Variants in FNTB observed in about 807,000 individuals in gnomAD.
The protein encoded by FNTB is farnesyltransferase, CAAX box, subunit beta, also known as protein farnesyltransferase subunit beta.
In FNTB, 27 loss-of-function variants were observed where a neutral mutation model predicts 59.4. The ratio of observed to expected loss-of-function variants is 0.45; its 90% CI spans 0.34 to 0.63. FNTB has a LOEUF of 0.63. Among genes scored for constraint, FNTB ranks in the 20% least tolerant of loss-of-function variants. The pLI is 0.02. For missense variants in FNTB, 449 were observed against 559.6 expected (o/e 0.80, Z 1.99); for synonymous variants, 230 against 220.7 (o/e 1.04, Z -0.37).
At position 65,001,790 on chromosome 14, in the gene FNTB, A is replaced by C. The variant is rs1888608994; in HGVS notation, c.145-2459A>C. On this transcript the variant is annotated intron_variant, in intron 1 of 11. Coordinates refer to ENST00000246166, the MANE Select transcript of FNTB (RefSeq NM_002028.4). The surrounding 1 kb of genome is among the most constrained non-coding windows in gnomAD (Gnocchi z 5.5). ...TTCATTTAGGCTGGTGCTTTATTTT[A>C]GCTGCATGAGTGTCAGGAATGGAAA... Among the ~76,000 whole-genome samples, 1 of 152,196 alleles carries C rather than the reference A, an allele frequency of 6.6e-6. No individual in the cohort carries two copies. Among genetic ancestry groups the C allele is most frequent in the Non-Finnish European group, 1.5e-5 (1 of 68,032 alleles).
At chr14:65,045,478 C>T (rs185037202) in intron 9 of FNTB, among the ~76,000 whole-genome samples, 1,839 of 144,750 alleles carry the variant, frequency 0.013, 22 homozygotes, top group Non-Finnish European at 0.018. Context: ...TGCAGTGGCA[C>T]GATCTTGGCT....
intron 1 of FNTB, among the ~76,000 whole-genome samples, chr14:64,996,572 T>A (rs1305494965): frequency 6.6e-6 from 1 of 152,188 alleles, no homozygotes; most frequent in Non-Finnish European, 1.5e-5. Context: ...TAAAAACCAA[T>A]GAACTTTGAG....
intron 1 of FNTB, among the ~76,000 whole-genome samples, chr14:64,998,868 T>C (rs1303538200): frequency 6.6e-6 from 1 of 152,174 alleles, no homozygotes; most frequent in East Asian, 1.9e-4. Flanking sequence ...ATGGTTTCTA[T>C]GACTCATAGC....
rs2062687510 is a variant in FNTB at position 65,054,608 on chromosome 14, G to A, written c.1101G>A (p.Leu367=). ...ATTTCTACCACACCTGCTACTGCCT[G>A]AGCGGCCTGTCCATAGCCCAGCACT... ...SRDFYHTCYC[L]SGLSIAQHFG... The change falls in exon 11 of 12, where the codon CTG becomes CTA. Residue 367 remains leucine, a synonymous_variant. Coordinates refer to ENST00000246166, the MANE Select transcript of FNTB (RefSeq NM_002028.4). The surrounding 1 kb of genome is among the most constrained non-coding windows in gnomAD (Gnocchi z 4.4). 2 of 1,613,810 alleles carry A rather than the reference G, an allele frequency of 1.2e-6. No homozygotes were observed. Among genetic ancestry groups the A allele is most frequent in the South Asian group, 1.1e-5 (1 of 90,958 alleles).
chr14:65,061,510 C>A lies in FNTB; in HGVS notation c.*198C>A. 2 of 990,320 alleles carry A rather than the reference C, an allele frequency of 2.0e-6. No individual in the cohort carries two copies. The highest frequency in any genetic ancestry group is 2.8e-6 in the Non-Finnish European group (2 of 710,604). The allele number at this position is 990,320 out of a possible 1,614,324, so 61.3% of individuals were successfully genotyped here. ...AGTGGCTGGTTTTAAAAATTCTTTC[C>A]ACACCTGTCAAACCAAAAATCTATC... is the stretch of plus-strand genomic sequence containing the variant. On this transcript the variant is annotated 3_prime_UTR_variant, in exon 12 of 12. Coordinates refer to ENST00000246166, the MANE Select transcript of FNTB (RefSeq NM_002028.4).
intron 1 of FNTB, among the ~76,000 whole-genome samples, chr14:64,996,045 C>A (rs1888380945): frequency 6.6e-6 from 1 of 150,714 alleles, no homozygotes; most frequent in Non-Finnish European, 1.5e-5. Context: ...ATCGCTTGAA[C>A]CTGAGAGGTG....
intron 4 of FNTB, among the ~76,000 whole-genome samples, chr14:65,024,753 A>G (rs1041371146): frequency 1.3e-5 from 2 of 151,994 alleles, no homozygotes; most frequent in Non-Finnish European, 2.9e-5. Context: ...TGTCTCTATG[A>G]TAAGTTTTTC....
intron 9 of FNTB, among the ~76,000 whole-genome samples, chr14:65,048,771 C>T (rs2062543194): frequency 6.6e-6 from 1 of 152,144 alleles, no homozygotes; most frequent in Non-Finnish European, 1.5e-5. Context: ...AGAAGGATCA[C>T]TTGAGTCTGG....
chr14:65,039,733 G>A (rs1264978885), intron 7 of FNTB, among the ~76,000 whole-genome samples: 3 of 152,162 alleles, frequency 2.0e-5, no homozygotes, highest in Non-Finnish European at 4.4e-5. Flanking sequence ...GGTTTATTTG[G>A]CTCATGGTTC....
At position 65,012,527 on chromosome 14, in the gene FNTB, A is replaced by G; in HGVS notation, c.282+138A>G. On this transcript the variant is annotated intron_variant, in intron 3 of 11. Coordinates refer to ENST00000246166, the MANE Select transcript of FNTB (RefSeq NM_002028.4). This position sits in a 1 kb window ranked among gnomAD's most constrained non-coding sequence, Gnocchi z 5.0. ...GTTCTCTGTGGCTCTGGCAGGAGGT[A>G]GGGTGCTGTCACAGAGCTGGGACTC... 8 of 1,210,302 alleles carry G rather than the reference A, an allele frequency of 6.6e-6. No homozygotes were observed. The highest frequency in any genetic ancestry group is 9.2e-6 in the Non-Finnish European group (8 of 866,114). 75.0% of individuals were successfully genotyped at this position (1,210,302 alleles called of 1,614,324 possible). A position where few individuals can be genotyped will look rare whatever the true frequency, so the allele number is the denominator to read the frequency against.
Position 65,061,580 on chromosome 14 carries a change from C to T in FNTB, c.*268C>T. On this transcript the variant is annotated 3_prime_UTR_variant, in exon 12 of 12. Coordinates refer to ENST00000246166, the MANE Select transcript of FNTB (RefSeq NM_002028.4). ...GTGAACAGTGCATGCCAGGAGGAAG[C>T]AGTCCCTCCTCACCAGCTCTCCAGC... 1 of 375,688 alleles carries T rather than the reference C, an allele frequency of 2.7e-6. No individual in the cohort carries two copies. The highest frequency in any genetic ancestry group is 5.0e-6 in the Non-Finnish European group (1 of 201,968). The allele number at this position is 375,688 out of a possible 1,614,324, so 23.3% of individuals were successfully genotyped here.
At chr14:64,996,429 C>G (rs909140013) in intron 1 of FNTB, among the ~76,000 whole-genome samples, 1 of 152,150 alleles carries the variant, frequency 6.6e-6, no homozygotes, top group Non-Finnish European at 1.5e-5. Context: ...TCAGTTGCCT[C>G]ATGATTAGAG....
rs74554375 is a variant in FNTB, at chr14:65,010,912, T to G, written c.210-1405T>G. Among the ~76,000 whole-genome samples, 1,395 of 152,326 alleles carry G rather than the reference T, an allele frequency of 9.2e-3. 22 individuals carry two copies. Among genetic ancestry groups the G allele is most frequent in the African/African-American group, 0.031 (1,293 of 41,566 alleles). On this transcript the variant is annotated intron_variant, in intron 2 of 11. Coordinates refer to ENST00000246166, the MANE Select transcript of FNTB (RefSeq NM_002028.4). ...ATTAGCCACCTGCAGCTATTTAAAC[T>G]TGAATTAAAATTGAATTAAAATTTT...
chr14:65,054,423 A>G lies in FNTB; in HGVS notation c.1068-152A>G. On this transcript the variant is annotated intron_variant, in intron 10 of 11. Coordinates refer to ENST00000246166, the MANE Select transcript of FNTB (RefSeq NM_002028.4). This position sits in a 1 kb window ranked among gnomAD's most constrained non-coding sequence, Gnocchi z 4.4. ...CTGTGCTCAGCCAGTGGGGCTTTAA[A>G]TAACACTGCTGGGAAAACCATGCCT... 1 of 747,254 alleles carries G rather than the reference A, an allele frequency of 1.3e-6. No individual in the cohort carries two copies. Among genetic ancestry groups the G allele is most frequent in the Non-Finnish European group, 2.2e-6 (1 of 462,126 alleles). The allele number at this position is 747,254 out of a possible 1,614,324, so 46.3% of individuals were successfully genotyped here. A position where few individuals can be genotyped will look rare whatever the true frequency, so the allele number is the denominator to read the frequency against.
chr14:64,999,321 C>T (rs758810571), intron 1 of FNTB, among the ~76,000 whole-genome samples: 2 of 152,144 alleles, frequency 1.3e-5, no homozygotes, highest in Non-Finnish European at 2.9e-5. Context: ...GCCTGTAATC[C>T]CAGCTACTTA....
At chr14:65,056,539 G>A (rs2062740850) in intron 11 of FNTB, among the ~76,000 whole-genome samples, 1 of 152,186 alleles carries the variant, frequency 6.6e-6, no homozygotes, top group Admixed American at 6.5e-5. Flanking sequence ...TGGGTGTGAA[G>A]TGGTATTTGT....
chr14:65,042,726 G>T (rs2062380225), intron 8 of FNTB, among the ~76,000 whole-genome samples: 1 of 152,130 alleles, frequency 6.6e-6, no homozygotes, highest in South Asian at 2.1e-4. Flanking sequence ...CAAATCCATG[G>T]GCTTAGGCAC....
At chr14:65,033,995 T>C (rs2062140351) in intron 7 of FNTB, among the ~76,000 whole-genome samples, 1 of 152,244 alleles carries the variant, frequency 6.6e-6, no homozygotes, top group Non-Finnish European at 1.5e-5. Flanking sequence ...TTTACAGTGA[T>C]ACCAGATGAT....
Position 64,997,712 on chromosome 14 carries a change from G to A in FNTB, c.145-6537G>A, listed in dbSNP as rs1888452957. Among the ~76,000 whole-genome samples the A allele has an allele frequency of 1.3e-5, 2 of 152,190 alleles. No homozygotes were observed. The highest frequency in any genetic ancestry group is 2.4e-5 in the African/African-American group (1 of 41,442). On this transcript the variant is annotated intron_variant, in intron 1 of 11. Coordinates refer to ENST00000246166, the MANE Select transcript of FNTB (RefSeq NM_002028.4). This position sits in a 1 kb window ranked among gnomAD's most constrained non-coding sequence, Gnocchi z 4.5. The stretch of plus-strand genomic sequence containing the variant: ...GGAGGCCCGGAATGGGGAGGTGACC[G>A]GGAAAAGCACAGTAAACAAGGATAA...
Sources: allele counts gnomAD v4.1 joint callset (sites outside exome capture counted in the v4.1 genomes callset), GRCh38; gene constraint gnomAD v4.1.1; non-coding constraint Gnocchi (gnomAD v3.1); transcripts MANE v1.5; gene names NCBI Gene and HGNC (gene_info 2026-07-23, HGNC 2026-07-21).